Variants in EXOC6B observed in about 807,000 individuals in gnomAD.
EXOC6B encodes exocyst complex component 6B.
In EXOC6B, 54 loss-of-function variants were observed where a neutral mutation model predicts 113.5. That is an observed-to-expected ratio of 0.48 (90% CI 0.38 to 0.60). EXOC6B has a LOEUF of 0.60. Ranked by LOEUF, EXOC6B falls within the 20% of genes least tolerant of loss-of-function variation. EXOC6B has a pLI of 0.00. For missense variants in EXOC6B, 797 were observed against 977.5 expected (o/e 0.82, Z 2.46); for synonymous variants, 357 against 339.0 (o/e 1.05, Z -0.58).
intron 20 of EXOC6B, among the ~76,000 whole-genome samples, chr2:72,227,800 T>G (rs1681339555): frequency 1.3e-5 from 2 of 152,034 alleles, no homozygotes; most frequent in Admixed American, 1.3e-4. Context: ...TTAACAAGAG[T>G]CTTTCCCTAG....
At chr2:72,466,294 G>A (rs923327018) in intron 17 of EXOC6B, among the ~76,000 whole-genome samples, 12 of 148,336 alleles carry the variant, frequency 8.1e-5, no homozygotes, top group Admixed American at 3.4e-4. Context: ...GCAGTGAGGC[G>A]AGATTATGCC....
At chr2:72,237,468 GA>G (rs35814625) in intron 20 of EXOC6B, among the ~76,000 whole-genome samples, 69,721 of 151,860 alleles carry the variant, frequency 0.46, 21,045 homozygotes, top group African/African-American at 0.86. Flanking sequence ...ATATATCTAA[GA>G]AAAAAAATAT....
At chr2:72,344,317 T>C (rs1689191928) in intron 19 of EXOC6B, among the ~76,000 whole-genome samples, 1 of 152,216 alleles carries the variant, frequency 6.6e-6, no homozygotes, top group Non-Finnish European at 1.5e-5. Context: ...ATTTCTATTT[T>C]GCTCATACAT....
At chr2:72,692,626 CAGCCGTG>C (rs1370255973) in intron 6 of EXOC6B, among the ~76,000 whole-genome samples, 1 of 152,186 alleles carries the variant, frequency 6.6e-6, no homozygotes, top group Non-Finnish European at 1.5e-5. Context: ...GCTGGAATTA[CAGCCGTG>C]AGCCGCTGCG....
At chr2:72,431,652 A>G (rs1695540905) in intron 18 of EXOC6B, among the ~76,000 whole-genome samples, 1 of 152,016 alleles carries the variant, frequency 6.6e-6, no homozygotes, top group Non-Finnish European at 1.5e-5. Context: ...AAATTTTTTT[A>G]TTATTATTAT....
At chr2:72,613,564 C>G (rs1406495269) in intron 6 of EXOC6B, among the ~76,000 whole-genome samples, 1 of 151,940 alleles carries the variant, frequency 6.6e-6, no homozygotes, top group Non-Finnish European at 1.5e-5. Flanking sequence ...GTCATAAAAT[C>G]TAAAATAAGG....
chr2:72,678,131 A>AAT (rs1432570516), intron 6 of EXOC6B, among the ~76,000 whole-genome samples: 1 of 152,240 alleles, frequency 6.6e-6, no homozygotes, highest in Non-Finnish European at 1.5e-5. Context: ...ATCCTGAGGC[A>AAT]CTAGGTCAAC....
intron 6 of EXOC6B, among the ~76,000 whole-genome samples, chr2:72,699,291 G>A (rs1678120191): frequency 2.0e-5 from 3 of 152,032 alleles, no homozygotes; most frequent in Admixed American, 1.3e-4. Context: ...CAGCCTGGCT[G>A]AGATGATGAA....
chr2:72,399,420 G>C lies in EXOC6B; in HGVS notation c.1981-19550C>G, dbSNP rs138248065. ...AGTCTTAACTAGAGTAACCAGGCAAGAGGAAGAAATAAAAAGTATCCAAAC... is the reference window on the plus strand; with the variant it reads ...AGTCTTAACTAGAGTAACCAGGCAACAGGAAGAAATAAAAAGTATCCAAAC... On this transcript the variant is annotated intron_variant, in intron 18 of 21. Coordinates refer to ENST00000272427, the MANE Select transcript of EXOC6B (RefSeq NM_015189.3). Among the ~76,000 whole-genome samples, 14 of 152,224 alleles carry C rather than the reference G, an allele frequency of 9.2e-5. No individual in the cohort carries two copies. The East Asian group carries it at 2.3e-3, about 25-fold the overall frequency.
chr2:72,537,043 C>T (rs1205420730), intron 8 of EXOC6B, among the ~76,000 whole-genome samples: 1 of 152,140 alleles, frequency 6.6e-6, no homozygotes, highest in Non-Finnish European at 1.5e-5. Flanking sequence ...GAAGTTTCTT[C>T]ATGGATATAA....
At chr2:72,214,552 G>C (rs1680397887) in intron 20 of EXOC6B, among the ~76,000 whole-genome samples, 2 of 150,738 alleles carry the variant, frequency 1.3e-5, no homozygotes, top group Non-Finnish European at 1.5e-5. Flanking sequence ...CCCCTTTTCA[G>C]TGCCTCTTTT....
At chr2:72,381,671 T>C (rs1691683295) in intron 18 of EXOC6B, among the ~76,000 whole-genome samples, 1 of 152,198 alleles carries the variant, frequency 6.6e-6, no homozygotes, top group African/African-American at 2.4e-5. Context: ...CCATAATGCA[T>C]ATGCTTATAT....
chr2:72,185,478 T>C (rs976300589), intron 20 of EXOC6B, among the ~76,000 whole-genome samples: 4 of 152,190 alleles, frequency 2.6e-5, no homozygotes, highest in African/African-American at 9.7e-5. Context: ...GTCCCAAACC[T>C]AAAACTTAGA....
chr2:72,222,968 G>A (rs1245428834), intron 20 of EXOC6B, among the ~76,000 whole-genome samples: 1 of 152,154 alleles, frequency 6.6e-6, no homozygotes, highest in African/African-American at 2.4e-5. Flanking sequence ...CAGATTAGTG[G>A]TTATATATGT....
chr2:72,198,310 C>G (rs28278), intron 20 of EXOC6B, among the ~76,000 whole-genome samples: 45,404 of 152,054 alleles, frequency 0.3, 7,307 homozygotes, highest in African/African-American at 0.39. Context: ...TGCTCTCTCA[C>G]AGAGCAGGCT....
At chr2:72,319,270 T>TA (rs1012407406) in intron 20 of EXOC6B, among the ~76,000 whole-genome samples, 2 of 151,950 alleles carry the variant, frequency 1.3e-5, no homozygotes, top group African/African-American at 4.8e-5. Flanking sequence ...ACAAAGGGCA[T>TA]AAAAAAACTT....
chr2:72,486,919 C>T (rs1699455691), intron 16 of EXOC6B, among the ~76,000 whole-genome samples: 1 of 151,824 alleles, frequency 6.6e-6, no homozygotes, highest in African/African-American at 2.4e-5. Context: ...GCTATCACCC[C>T]ATTTCTTTGT....
rs540123179 is a variant in EXOC6B at position 72,578,839 on chromosome 2, T to C, written c.670-3171A>G. ...AGGACTATGTATGAAAAAAATATTATCCACTCAGGAAACGGCAAGTAACTT... is the reference window on the plus strand; with the variant it reads ...AGGACTATGTATGAAAAAAATATTACCCACTCAGGAAACGGCAAGTAACTT... On this transcript the variant is annotated intron_variant, in intron 6 of 21. Coordinates refer to ENST00000272427, the MANE Select transcript of EXOC6B (RefSeq NM_015189.3). Among the ~76,000 whole-genome samples, 181 of 152,170 alleles carry C rather than the reference T, an allele frequency of 1.2e-3. 1 individual carries two copies. Among genetic ancestry groups the C allele is most frequent in the Middle Eastern group, 6.8e-3 (2 of 294 alleles).
At chr2:72,514,576 C>CAATAAATA (rs59422959) in intron 10 of EXOC6B, 58 bp downstream of exon 10, 1 of 219,546 alleles carries the variant, frequency 4.6e-6, no homozygotes, top group African/African-American at 2.6e-5. Context: ...GTATAAATTT[C>CAATAAATA]AATAAATAAA....
Sources: allele counts gnomAD v4.1 joint callset (sites outside exome capture counted in the v4.1 genomes callset), GRCh38; gene constraint gnomAD v4.1.1; transcripts MANE v1.5; gene names NCBI Gene and HGNC (gene_info 2026-07-23, HGNC 2026-07-21).